The following PDE1C variants were observed in gnomAD, a reference collection of about 807,000 sequenced individuals.
PDE1C encodes the protein dual specificity calcium/calmodulin-dependent 3',5'-cyclic nucleotide phosphodiesterase 1C.
In PDE1C, 62 loss-of-function variants were observed where a neutral mutation model predicts 93.1. The ratio of observed to expected loss-of-function variants is 0.67; its 90% CI spans 0.54 to 0.82. The LOEUF (loss-of-function observed/expected upper bound fraction) is 0.82. Among genes scored for constraint, PDE1C ranks in the 40% least tolerant of loss-of-function variants. PDE1C has a pLI of 0.00. For synonymous variants in PDE1C, 325 were observed against 310.1 expected, an observed-to-expected ratio of 1.05 and a Z score of -0.50; for missense variants, 742 against 884.6, an observed-to-expected ratio of 0.84 and a Z score of 2.04.
intron 16 of PDE1C, among the ~76,000 whole-genome samples, chr7:31,805,150 A>G (rs548396105): frequency 9.9e-4 from 150 of 151,674 alleles, no homozygotes; most frequent in African/African-American, 3.4e-3. Flanking sequence ...CACCATGACT[A>G]TGAGGCCTCC....
intron 3 of PDE1C, among the ~76,000 whole-genome samples, chr7:32,091,301 T>C (rs1342346686): frequency 6.6e-6 from 1 of 152,230 alleles, no homozygotes; most frequent in African/African-American, 2.4e-5. Context: ...GAACTTTAGA[T>C]GTAATCTTCT....
At chr7:31,934,910 C>A (rs990065010) in intron 2 of PDE1C, among the ~76,000 whole-genome samples, 1 of 152,080 alleles carries the variant, frequency 6.6e-6, no homozygotes, top group Non-Finnish European at 1.5e-5. Flanking sequence ...TCCAATATTA[C>A]AATTTCATGG....
chr7:32,295,212 T>G (rs1365960697), intron 1 of PDE1C, among the ~76,000 whole-genome samples: 1 of 152,200 alleles, frequency 6.6e-6, no homozygotes, highest in Non-Finnish European at 1.5e-5. Context: ...CCTTGGCTGG[T>G]TAAGCAGAGT....
At chr7:31,703,982 T>A in the PDE1C span, among the ~76,000 whole-genome samples, 4,515 of 152,272 alleles carry the variant, frequency 0.03, 248 homozygotes, top group African/African-American at 0.1. Context: ...AAGCATTGGT[T>A]CTGACTAGTC....
intron 1 of PDE1C, among the ~76,000 whole-genome samples, chr7:32,345,340 G>A (rs1783831457): frequency 1.3e-5 from 2 of 152,178 alleles, no homozygotes; most frequent in Admixed American, 6.5e-5. Context: ...TTTCTCTTGT[G>A]TTTCTATAAT....
intron 3 of PDE1C, among the ~76,000 whole-genome samples, chr7:32,106,167 C>T (rs762777304): frequency 2.6e-5 from 4 of 152,104 alleles, no homozygotes; most frequent in Non-Finnish European, 4.4e-5. Context: ...CTCGTGCCAC[C>T]ATACTCGGCT....
chr7:31,650,287 C>G, the PDE1C span, among the ~76,000 whole-genome samples: 1 of 152,194 alleles, frequency 6.6e-6, no homozygotes, highest in Non-Finnish European at 1.5e-5. Context: ...TTAGATTTCT[C>G]AGTCAGGCTT....
At chr7:32,409,830 T>A (rs1785129563) in intron 1 of PDE1C, among the ~76,000 whole-genome samples, 1 of 151,712 alleles carries the variant, frequency 6.6e-6, no homozygotes, top group African/African-American at 2.4e-5. Context: ...CTTATATGTA[T>A]ACATACATAT....
intron 2 of PDE1C, among the ~76,000 whole-genome samples, chr7:32,185,745 A>T (rs550715954): frequency 6.6e-6 from 1 of 152,246 alleles, no homozygotes; most frequent in Admixed American, 6.5e-5. Flanking sequence ...GATGGCCATT[A>T]GTCACATGCG....
chr7:32,265,721 A>G (rs1370125353), intron 1 of PDE1C, among the ~76,000 whole-genome samples: 2 of 152,260 alleles, frequency 1.3e-5, no homozygotes, highest in South Asian at 2.1e-4. Context: ...CCTGACCAAC[A>G]GAGACATATA....
chr7:32,229,046 A>C (rs1376095088), intron 1 of PDE1C, among the ~76,000 whole-genome samples: 2 of 152,174 alleles, frequency 1.3e-5, no homozygotes, highest in African/African-American at 4.8e-5. Flanking sequence ...GCCCCACTCT[A>C]ATGAGGACAT....
At chr7:31,727,959 G>T in the PDE1C span, among the ~76,000 whole-genome samples, 1 of 152,242 alleles carries the variant, frequency 6.6e-6, no homozygotes, top group Middle Eastern at 3.4e-3. Flanking sequence ...CAGGAGAATC[G>T]CTTGAACCTG....
chr7:32,096,987 T>C (rs1435036336), intron 3 of PDE1C, among the ~76,000 whole-genome samples: 2 of 152,232 alleles, frequency 1.3e-5, no homozygotes, highest in Non-Finnish European at 2.9e-5. Context: ...CCAATGGTGA[T>C]GGTCCAGGCC....
chr7:32,128,954 A>ATATATAT lies in PDE1C; in HGVS notation c.308+40830_308+40831insATATATA, dbSNP rs58719690. ...ATATATATATATATATATATATATA[A>ATATATAT]AGAAAAATCTAAAAAAAACAGAAAA... On this transcript the variant is annotated intron_variant, in intron 3 of 18. Transcript: ENST00000396193. 1.0e-3 allele frequency among the ~76,000 whole-genome samples: 80 copies of ATATATAT among 78,992 alleles called. 6 individuals carry two copies. Among genetic ancestry groups the ATATATAT allele is most frequent in the African/African-American group, 4.4e-3 (68 of 15,508 alleles). 51.8% of individuals were successfully genotyped at this position (78,992 alleles called of 152,430 possible).
intron 1 of PDE1C, among the ~76,000 whole-genome samples, chr7:32,309,787 G>GA (rs1441654565): frequency 6.6e-6 from 1 of 152,132 alleles, no homozygotes; most frequent in Non-Finnish European, 1.5e-5. Context: ...ACCAACCACT[G>GA]AAAAAACATG....
the PDE1C span, chr7:31,692,526 A>G: frequency 6.3e-7 from 1 of 1,590,932 alleles, no homozygotes; most frequent in Non-Finnish European, 8.6e-7. Context: ...CCACTTAGGT[A>G]AACAAATGAT....
intron 17 of PDE1C, among the ~76,000 whole-genome samples, chr7:31,753,848 T>C (rs561234252): frequency 3.3e-5 from 5 of 152,306 alleles, no homozygotes; most frequent in East Asian, 1.9e-4. Flanking sequence ...AGAGGAAGCA[T>C]TGGGGTCATT....
At chr7:32,162,009 C>T (rs1044365383) in intron 3 of PDE1C, among the ~76,000 whole-genome samples, 1 of 152,154 alleles carries the variant, frequency 6.6e-6, no homozygotes, top group African/African-American at 2.4e-5. Context: ...GCCCTAGAGA[C>T]AAGCCCACTG....
intron 10 of PDE1C, 43 bp from the exon 11 acceptor site, chr7:31,837,343 CAG>C: frequency 1.3e-6 from 2 of 1,524,344 alleles, no homozygotes; most frequent in Non-Finnish European, 1.8e-6. Flanking sequence ...CCACACTCTT[CAG>C]AACCTCAGTA....
Sources: gnomAD v4.1 joint callset for allele counts (sites outside exome capture counted in the v4.1 genomes callset) on GRCh38, gnomAD v4.1.1 for gene constraint, MANE v1.5 for transcripts, NCBI Gene and HGNC (gene_info 2026-07-23, HGNC 2026-07-21) for gene names.